The following CHM variants were observed in gnomAD, a reference collection of about 807,000 sequenced individuals.
CHM encodes CHM Rab escort protein.
A neutral mutation model predicts 49.0 loss-of-function variants in CHM; 10 were observed. The ratio of observed to expected loss-of-function variants is 0.20; its 90% confidence interval spans 0.13 to 0.35. The LOEUF (loss-of-function observed/expected upper bound fraction) is 0.35. Among genes scored for constraint, CHM ranks in the 10% least tolerant of loss-of-function variants. The pLI is 1.00. For missense variants in CHM, 455 were observed against 478.4 expected, an observed-to-expected ratio of 0.95 and a Z score of 0.46; for synonymous variants, 184 against 167.5, an observed-to-expected ratio of 1.10 and a Z score of -0.76.
In CHM at chrX:85,917,493, G is replaced by A. The variant is rs746405822; in HGVS notation, c.1167-6155C>T. Among the ~76,000 whole-genome samples the A allele has an allele frequency of 7.5e-4, 83 of 111,163 alleles. 1 individual carries two copies. Among genetic ancestry groups the A allele is most frequent in the Non-Finnish European group, 4.1e-4 (22 of 53,025 alleles). Reference sequence around the variant, plus strand: ...AAAACAAACAAAATACAATTCTGGCGACCCTAAAAGGCAGAGTGTCTTCTT... The same window carrying A: ...AAAACAAACAAAATACAATTCTGGCAACCCTAAAAGGCAGAGTGTCTTCTT... On this transcript the variant is annotated intron_variant, in intron 8 of 14. Coordinates refer to ENST00000357749, the MANE Select transcript of CHM (RefSeq NM_000390.4).
At chrX:85,987,832 C>T (rs1323667162) in intron 2 of CHM, among the ~76,000 whole-genome samples, 1 of 111,857 alleles carries the variant, frequency 8.9e-6, no homozygotes, top group Non-Finnish European at 1.9e-5. Context: ...ATTCTCTGAA[C>T]AGACCAATAA....
intron 12 of CHM, among the ~76,000 whole-genome samples, chrX:85,883,841 A>G (rs1367648020): frequency 9.1e-6 from 1 of 110,125 alleles, no homozygotes; most frequent in Non-Finnish European, 1.9e-5. Flanking sequence ...ATATATAATC[A>G]TATCACAGAT....
intron 8 of CHM, among the ~76,000 whole-genome samples, chrX:85,938,329 A>C (rs1006880222): frequency 3.6e-5 from 4 of 112,042 alleles, no homozygotes; most frequent in Non-Finnish European, 7.5e-5. Flanking sequence ...TAGAGAGGAA[A>C]TTGTCTTTAA....
chrX:85,894,298 ATAAAG>A lies in CHM; in HGVS notation c.1414-19_1414-15del, dbSNP rs1925677106. On this transcript the variant is annotated splice_polypyrimidine_tract_variant and intron_variant, in intron 11 of 14. Transcript: ENST00000357749. ...CAAAATGGAAATCTAAAAAGCAAAA[ATAAAG>A]TATCAGACACAGCTGTTAGATCTCA... 3.5e-6 allele frequency: 4 copies of A among 1,139,655 alleles called. No individual in the cohort carries two copies. In the Admixed American group the frequency reaches 8.7e-5, roughly 25 times the overall value. 93.9% of individuals were successfully genotyped at this position (1,139,655 alleles called of 1,213,427 possible).
chrX:85,901,683 C>T (rs1034461577), intron 9 of CHM, among the ~76,000 whole-genome samples: 1 of 111,773 alleles, frequency 8.9e-6, no homozygotes, highest in Non-Finnish European at 1.9e-5. Context: ...CCAAGAATAG[C>T]TATATGGTCA....
chrX:85,870,923 C>G (rs776206289), intron 14 of CHM, among the ~76,000 whole-genome samples: 1 of 110,664 alleles, frequency 9.0e-6, no homozygotes, highest in South Asian at 3.9e-4. Context: ...ACAAGAGTGT[C>G]AAGTTTACAT....
intron 11 of CHM, among the ~76,000 whole-genome samples, chrX:85,894,912 T>G (rs1603242021): frequency 9.0e-6 from 1 of 111,716 alleles, no homozygotes; most frequent in East Asian, 2.8e-4. Flanking sequence ...CCCATTCCAA[T>G]TATATTGAAG....
At chrX:86,027,378 T>C (rs1933869153) in intron 2 of CHM, 113 bp downstream of exon 2, 5 of 597,259 alleles carry the variant, frequency 8.4e-6, no homozygotes, top group South Asian at 7.7e-5. Context: ...CTTAAGTTTA[T>C]GTATGATATA....
At chrX:85,864,860 C>T (rs768832432) in intron 14 of CHM, 39 bp from the exon 15 acceptor site, 120 of 1,141,209 alleles carry the variant, frequency 1.1e-4, no homozygotes, top group Non-Finnish European at 1.4e-4. Context: ...TTTTGGAAAT[C>T]GGTTTAAAAT....
chrX:85,914,672 G>A (rs1009320216), intron 8 of CHM, among the ~76,000 whole-genome samples: 4 of 110,937 alleles, frequency 3.6e-5, no homozygotes, highest in African/African-American at 9.9e-5. Context: ...TTCCCTCAGC[G>A]ATACCATTGC....
intron 5 of CHM, among the ~76,000 whole-genome samples, chrX:85,963,446 T>C (rs374548040): frequency 8.9e-6 from 1 of 112,684 alleles, no homozygotes; most frequent in African/African-American, 3.2e-5. Context: ...CACAAAAGTA[T>C]TCTTCAGGTA....
intron 1 of CHM, among the ~76,000 whole-genome samples, chrX:86,046,320 C>A (rs891100077): frequency 8.9e-6 from 1 of 112,431 alleles, no homozygotes; most frequent in Non-Finnish European, 1.9e-5. Flanking sequence ...GAGCAAATTA[C>A]AACTTTTCCA....
At chrX:86,008,969 T>G (rs5968771) in intron 2 of CHM, among the ~76,000 whole-genome samples, 2 of 111,615 alleles carry the variant, frequency 1.8e-5, no homozygotes, top group East Asian at 5.6e-4. Flanking sequence ...AATGGAAAAA[T>G]CTTTAAAAAT....
At chrX:85,890,263 C>G (rs1288534129) in intron 12 of CHM, among the ~76,000 whole-genome samples, 1 of 112,079 alleles carries the variant, frequency 8.9e-6, no homozygotes, top group Non-Finnish European at 1.9e-5. Flanking sequence ...ATAATAGGTG[C>G]AGTTTTATTT....
rs768208337 is a variant in CHM, at chrX:85,916,473, G to A, written c.1167-5135C>T. ...AACAATGGGATCCAATTAAACTAAA[G>A]AGCTTCTGCACAGCAAAAGAAACTA... On this transcript the variant is annotated intron_variant, in intron 8 of 14. Coordinates refer to ENST00000357749, the MANE Select transcript of CHM (RefSeq NM_000390.4). Among the ~76,000 whole-genome samples, 156 of 111,913 alleles carry A rather than the reference G, an allele frequency of 1.4e-3. 1 individual carries two copies. The highest frequency in any genetic ancestry group is 2.7e-3 in the Admixed American group (28 of 10,552).
At chrX:85,982,836 A>G (rs951511632) in intron 2 of CHM, among the ~76,000 whole-genome samples, 1 of 111,610 alleles carries the variant, frequency 9.0e-6, no homozygotes, top group Non-Finnish European at 1.9e-5. Flanking sequence ...CTATAATGTG[A>G]TATCTAAAAT....
intron 13 of CHM, among the ~76,000 whole-genome samples, chrX:85,876,407 G>A (rs1012492660): frequency 9.0e-6 from 1 of 111,666 alleles, no homozygotes; most frequent in Non-Finnish European, 1.9e-5. Context: ...AATACTAAAA[G>A]CCATCAATCT....
chrX:85,967,037 T>C (rs1187703766), intron 4 of CHM, among the ~76,000 whole-genome samples: 1 of 112,006 alleles, frequency 8.9e-6, no homozygotes, highest in Non-Finnish European at 1.9e-5. Flanking sequence ...TTTGGTGAGA[T>C]TCCTAGCACT....
intron 7 of CHM, 50 bp downstream of exon 7, chrX:85,957,805 T>C: frequency 2.5e-6 from 3 of 1,179,936 alleles, no homozygotes; most frequent in Non-Finnish European, 3.4e-6. Flanking sequence ...CATATTAAAA[T>C]AGTAAGAAAT....
Sources: allele counts gnomAD v4.1 joint callset (sites outside exome capture counted in the v4.1 genomes callset), GRCh38; gene constraint gnomAD v4.1.1; transcripts MANE v1.5; gene names NCBI Gene and HGNC (gene_info 2026-07-23, HGNC 2026-07-21).